Variants in PPP4R2 observed in about 807,000 individuals in gnomAD.
PPP4R2 encodes protein phosphatase 4 regulatory subunit 2.
A neutral mutation model predicts 47.2 loss-of-function variants in PPP4R2; 13 were observed. The observed-to-expected ratio is 0.28, with a 90% confidence interval of 0.18 to 0.44. The LOEUF (loss-of-function observed/expected upper bound fraction) is 0.44, where lower values mean the gene tolerates loss of function less well. PPP4R2 is among the 20% of genes least tolerant of loss of function. The pLI is 1.00. For missense variants in PPP4R2, 421 were observed against 491.2 expected (o/e 0.86, Z 1.35); for synonymous variants, 151 against 163.3 (o/e 0.92, Z 0.57).
chr3:73,032,792 G>T (rs1702192412), intron 2 of PPP4R2, among the ~76,000 whole-genome samples: 1 of 151,792 alleles, frequency 6.6e-6, no homozygotes, highest in Non-Finnish European at 1.5e-5. Context: ...TGAAATTTTG[G>T]TCACATTAGC....
chr3:73,014,891 A>T (rs144773431), intron 2 of PPP4R2: 6,810 of 606,956 alleles, frequency 0.011, 57 homozygotes, highest in Non-Finnish European at 0.016. Context: ...TTTTAATGAG[A>T]TGGGGTCTTG....
intron 2 of PPP4R2, among the ~76,000 whole-genome samples, chr3:73,029,149 C>T (rs1187071642): frequency 2.0e-5 from 3 of 152,092 alleles, no homozygotes; most frequent in Middle Eastern, 3.2e-3. Context: ...TCTTGTTGCC[C>T]AGGCTGGTTT....
At chr3:73,035,691 C>A (rs998847994) in intron 2 of PPP4R2, among the ~76,000 whole-genome samples, 1 of 152,050 alleles carries the variant, frequency 6.6e-6, no homozygotes, top group Non-Finnish European at 1.5e-5. Flanking sequence ...GTGGCACAAT[C>A]TCGGCTCACT....
intron 2 of PPP4R2, among the ~76,000 whole-genome samples, chr3:73,010,117 T>C (rs565799579): frequency 1.4e-4 from 22 of 152,352 alleles, no homozygotes; most frequent in African/African-American, 4.8e-4. Flanking sequence ...AGTAATGATA[T>C]GAAACAGTAG....
chr3:73,006,874 T>G (rs1488304021), intron 2 of PPP4R2, among the ~76,000 whole-genome samples: 2 of 152,236 alleles, frequency 1.3e-5, no homozygotes, highest in Non-Finnish European at 2.9e-5. Context: ...AAATACACCT[T>G]GACTTCTCTC....
rs142827979 is a variant in PPP4R2 at position 73,045,255 on chromosome 3, G to A, written c.117-1931G>A. 4.5e-4 allele frequency among the ~76,000 whole-genome samples: 68 copies of A among 152,118 alleles called. 1 individual carries two copies. The East Asian group carries it at 0.012, about 26-fold the overall frequency. ...TGGGCCCAAGTGATCTTCCTGTCTCGGCTTCCCAAAGTGCTGGGATTACAG... is the reference window on the plus strand; with the variant it reads ...TGGGCCCAAGTGATCTTCCTGTCTCAGCTTCCCAAAGTGCTGGGATTACAG... On this transcript the variant is annotated intron_variant, in intron 2 of 8. Transcript: ENST00000356692.
At chr3:73,028,489 G>A (rs56731069) in intron 2 of PPP4R2, among the ~76,000 whole-genome samples, 5 of 152,016 alleles carry the variant, frequency 3.3e-5, no homozygotes, top group African/African-American at 7.2e-5. Flanking sequence ...ATGGAGTCTC[G>A]CTCTTCCACC....
At chr3:73,026,710 T>TA (rs879664615) in intron 2 of PPP4R2, among the ~76,000 whole-genome samples, 6 of 134,248 alleles carry the variant, frequency 4.5e-5, no homozygotes, top group Admixed American at 3.6e-4. Context: ...GATTTTTTTT[T>TA]AAAAAAAGCA....
chr3:73,011,745 A>C (rs920009044), intron 2 of PPP4R2, among the ~76,000 whole-genome samples: 2 of 151,754 alleles, frequency 1.3e-5, no homozygotes, highest in African/African-American at 4.8e-5. Flanking sequence ...CATAAATTTG[A>C]AACATACAGG....
At chr3:73,031,637 T>C (rs745921074) in intron 2 of PPP4R2, among the ~76,000 whole-genome samples, 3 of 152,204 alleles carry the variant, frequency 2.0e-5, no homozygotes, top group Non-Finnish European at 4.4e-5. Flanking sequence ...GTGGAGACTT[T>C]ATCCTCTCTG....
chr3:73,040,607 C>T (rs1039903190), intron 2 of PPP4R2, among the ~76,000 whole-genome samples: 15 of 149,298 alleles, frequency 1.0e-4, no homozygotes, highest in African/African-American at 3.5e-4. Context: ...TGGGTTCAAG[C>T]GATTCTTCTG....
intron 2 of PPP4R2, among the ~76,000 whole-genome samples, chr3:73,016,571 A>G (rs1701836793): frequency 1.3e-5 from 2 of 152,100 alleles, no homozygotes; most frequent in Admixed American, 6.6e-5. Context: ...AAATGGTAAG[A>G]CCACCAATTA....
chr3:73,021,531 C>T (rs1437001411), intron 2 of PPP4R2, among the ~76,000 whole-genome samples: 1 of 152,106 alleles, frequency 6.6e-6, no homozygotes, highest in African/African-American at 2.4e-5. Context: ...CCATCACGCC[C>T]AGCCTGGAAT....
chr3:73,062,841 T>A (rs1702897859), intron 5 of PPP4R2: 1 of 1,613,760 alleles, frequency 6.2e-7, no homozygotes, highest in Admixed American at 1.7e-5. Flanking sequence ...AGAATTAATG[T>A]TCACACTTCT....
chr3:72,997,323 C>T (rs980825564), intron 1 of PPP4R2: 45 of 387,694 alleles, frequency 1.2e-4, no homozygotes, highest in Non-Finnish European at 1.6e-4. Flanking sequence ...TTGCGGGGGC[C>T]CCAGTCTTTC....
chr3:73,017,956 T>G (rs150338109), intron 2 of PPP4R2, among the ~76,000 whole-genome samples: 1 of 152,160 alleles, frequency 6.6e-6, no homozygotes, highest in East Asian at 1.9e-4. Flanking sequence ...CCAGCATGTT[T>G]TAATGCAACT....
intron 2 of PPP4R2, chr3:73,014,902 C>G (rs892368519): frequency 3.1e-6 from 2 of 648,912 alleles, no homozygotes; most frequent in Admixed American, 4.9e-5. Context: ...TGGGGTCTTG[C>G]TGTGTTGCCC....
At chr3:73,053,321 T>C (rs1702659737) in intron 3 of PPP4R2, among the ~76,000 whole-genome samples, 1 of 146,712 alleles carries the variant, frequency 6.8e-6, no homozygotes, top group Non-Finnish European at 1.5e-5. Context: ...AGAATTAGCA[T>C]GACTTTGTAA....
chr3:73,048,831 T>C (rs1261261384), intron 3 of PPP4R2, among the ~76,000 whole-genome samples: 2 of 152,234 alleles, frequency 1.3e-5, no homozygotes, highest in Admixed American at 6.5e-5. Flanking sequence ...ACGGTTTGCT[T>C]TATATCATAT....
Sources: allele counts gnomAD v4.1 joint callset (sites outside exome capture counted in the v4.1 genomes callset), GRCh38; gene constraint gnomAD v4.1.1; transcripts MANE v1.5; gene names NCBI Gene and HGNC (gene_info 2026-07-23, HGNC 2026-07-21).